ITPK1: variants seen among roughly 807,000 people sequenced by gnomAD.
ITPK1 encodes the protein inositol-tetrakisphosphate 1-kinase, also known as inositol 1,3,4-trisphosphate 5/6-kinase.
A neutral mutation model predicts 45.3 loss-of-function variants in ITPK1; 21 were observed. The observed-to-expected ratio is 0.46, with a 90% CI of 0.33 to 0.67. The LOEUF (loss-of-function observed/expected upper bound fraction) is 0.67, where lower values mean the gene tolerates loss of function less well. Among genes scored for constraint, ITPK1 ranks in the 30% least tolerant of loss-of-function variants. The pLI, the probability that ITPK1 is intolerant of heterozygous loss-of-function variation, is 0.02. For synonymous variants in ITPK1, 258 were observed against 253.6 expected, an observed-to-expected ratio of 1.02 and a Z score of -0.16; for missense variants, 474 against 573.5, an observed-to-expected ratio of 0.83 and a Z score of 1.77.
chr14:93,025,711 A>G (rs1476774507), intron 3 of ITPK1, among the ~76,000 whole-genome samples: 3 of 152,166 alleles, frequency 2.0e-5, no homozygotes, highest in Non-Finnish European at 2.9e-5. Flanking sequence ...TTTTTCCCAC[A>G]TTGTTTTAAT....
chr14:92,937,263 G>C lies in ITPK1; in HGVS notation c.*4298C>G, dbSNP rs919688544. On this transcript the variant is annotated 3_prime_UTR_variant, in exon 11 of 11. Transcript: ENST00000267615. ...GCTTGGGATTCTGGTGAAGTTGCTTGTGAACAGCTTGAAGCAAACAGCATT... is the reference window on the plus strand; with the variant it reads ...GCTTGGGATTCTGGTGAAGTTGCTTCTGAACAGCTTGAAGCAAACAGCATT... The C allele has an allele frequency of 6.6e-6, 1 of 152,252 alleles. No individual in the cohort carries two copies. The highest frequency in any genetic ancestry group is 1.9e-4 in the East Asian group (1 of 5,204). The allele number at this position is 152,252 out of a possible 1,614,324, so 9.4% of individuals were successfully genotyped here. A position where few individuals can be genotyped will look rare whatever the true frequency, so the allele number is the denominator to read the frequency against.
chr14:93,046,847 G>A (rs184253410), intron 3 of ITPK1, among the ~76,000 whole-genome samples: 24 of 152,274 alleles, frequency 1.6e-4, no homozygotes, highest in East Asian at 1.2e-3. Flanking sequence ...AGCTCTGCTC[G>A]GTGGAACTCC....
intron 5 of ITPK1, among the ~76,000 whole-genome samples, chr14:92,991,396 G>A (rs970123986): frequency 2.6e-5 from 4 of 151,614 alleles, no homozygotes; most frequent in South Asian, 2.1e-4. Context: ...AAAACCCAGC[G>A]TGCAACATTT....
chr14:93,058,119 G>A (rs1890286462), intron 3 of ITPK1, among the ~76,000 whole-genome samples: 1 of 152,026 alleles, frequency 6.6e-6, no homozygotes, highest in Non-Finnish European at 1.5e-5. Context: ...CCCAGCAACA[G>A]AAGGAATGAA....
intron 4 of ITPK1, among the ~76,000 whole-genome samples, chr14:92,994,335 C>T (rs532238201): frequency 2.0e-5 from 3 of 152,298 alleles, no homozygotes; most frequent in East Asian, 1.9e-4. Context: ...CCCCATGCCC[C>T]GCACTGATAA....
intron 4 of ITPK1, among the ~76,000 whole-genome samples, chr14:93,004,710 T>C (rs1887525229): frequency 6.6e-6 from 1 of 151,496 alleles, no homozygotes; most frequent in African/African-American, 2.4e-5. Context: ...GGCTCCTAAG[T>C]GGCGGCCATG....
chr14:93,091,072 G>C (rs1464523525), intron 2 of ITPK1, among the ~76,000 whole-genome samples: 1 of 152,226 alleles, frequency 6.6e-6, no homozygotes, highest in East Asian at 1.9e-4. Context: ...GTGCTGGAAG[G>C]AAAGGCAGGA....
chr14:93,009,854 C>G (rs1716240697), intron 4 of ITPK1, among the ~76,000 whole-genome samples: 1 of 152,168 alleles, frequency 6.6e-6, no homozygotes, highest in Admixed American at 6.5e-5. Context: ...AACCCTCACA[C>G]CACCCACAGT....
rs61475032 is a variant in ITPK1 at position 92,962,544 on chromosome 14, C to A, written c.464-149G>T. 1,181 of 749,820 alleles carry A rather than the reference C, an allele frequency of 1.6e-3. 13 individuals are homozygous for A. The African/African-American group carries it at 0.018, about 12-fold the overall frequency. 46.4% of individuals were successfully genotyped at this position (749,820 alleles called of 1,614,324 possible). On this transcript the variant is annotated intron_variant, in intron 6 of 10. Coordinates refer to ENST00000267615, the MANE Select transcript of ITPK1 (RefSeq NM_014216.6). ...ACTGAGGGTGACGTGTGGGTAGACA[C>A]CCCCAGGCCAGGCAGGAGAGCACGT... is the stretch of plus-strand genomic sequence containing the variant.
rs908127449 is a variant in ITPK1, at chr14:92,940,923, T to C, written c.*638A>G. 2.3e-6 allele frequency: 3 copies of C among 1,287,566 alleles called. No individual in the cohort carries two copies. The highest frequency in any genetic ancestry group is 3.0e-5 in the African/African-American group (2 of 65,792). The allele number at this position is 1,287,566 out of a possible 1,614,324, so 79.8% of individuals were successfully genotyped here. A position where few individuals can be genotyped will look rare whatever the true frequency, so the allele number is the denominator to read the frequency against. On this transcript the variant is annotated 3_prime_UTR_variant, in exon 11 of 11. Transcript: ENST00000267615. The stretch of plus-strand genomic sequence containing the variant: ...GGCCCAGAGGACGCCCAGCTTCCTT[T>C]CCTTCCCTTTAGTGAGGGAGCACAG...
chr14:92,977,513 C>G (rs760381751), intron 5 of ITPK1, among the ~76,000 whole-genome samples: 1 of 152,220 alleles, frequency 6.6e-6, no homozygotes, highest in African/African-American at 2.4e-5. Context: ...TCTGTCTGCA[C>G]CCAAATCTCA....
intron 8 of ITPK1, among the ~76,000 whole-genome samples, chr14:92,954,234 C>A (rs1023179020): frequency 6.6e-6 from 1 of 152,270 alleles, no homozygotes; most frequent in Non-Finnish European, 1.5e-5. Context: ...GGCCAGAAGA[C>A]CCTTTTGGCA....
chr14:92,955,098 C>T (rs1195442109), intron 8 of ITPK1, among the ~76,000 whole-genome samples: 23 of 152,216 alleles, frequency 1.5e-4, no homozygotes, highest in Non-Finnish European at 2.9e-5. Flanking sequence ...AATGCTGTAT[C>T]ACTGACTATT....
intron 3 of ITPK1, among the ~76,000 whole-genome samples, chr14:93,059,149 T>A (rs1180180471): frequency 2.6e-4 from 1 of 3,808 alleles, no homozygotes; most frequent in African/African-American, 1.5e-3. Flanking sequence ...GGAGGGGGTG[T>A]GGGTCACGAG....
intron 2 of ITPK1, among the ~76,000 whole-genome samples, chr14:93,112,214 T>G (rs1892782017): frequency 6.6e-6 from 1 of 152,154 alleles, no homozygotes; most frequent in Non-Finnish European, 1.5e-5. Flanking sequence ...GTAGCCAGGT[T>G]GGACCCATTC....
chr14:93,105,100 A>G lies in ITPK1; in HGVS notation c.95+9969T>C, dbSNP rs191693607. Among the ~76,000 whole-genome samples the G allele has an allele frequency of 6.3e-4, 96 of 152,322 alleles. 1 individual carries two copies. The highest frequency in any genetic ancestry group is 2.1e-3 in the African/African-American group (86 of 41,564). ...GGCAAAAGGTAGCAACAGCAGGTAG[A>G]ACTGGGCTGGGCTGACGACCTGGTG... On this transcript the variant is annotated intron_variant, in intron 2 of 10. Transcript: ENST00000267615.
At chr14:92,948,711 T>C (rs1887799751) in intron 9 of ITPK1, among the ~76,000 whole-genome samples, 1 of 148,916 alleles carries the variant, frequency 6.7e-6, no homozygotes, top group Non-Finnish European at 1.5e-5. Context: ...CCAAGAAAAA[T>C]GGCCCTTACC....
At chr14:93,050,035 T>C (rs1271782770) in intron 3 of ITPK1, among the ~76,000 whole-genome samples, 2 of 152,092 alleles carry the variant, frequency 1.3e-5, no homozygotes, top group Non-Finnish European at 2.9e-5. Flanking sequence ...GAAGTGCAAC[T>C]CCTGCTCAGC....
At chr14:92,947,040 G>T (rs951463524) in intron 9 of ITPK1, among the ~76,000 whole-genome samples, 4 of 152,194 alleles carry the variant, frequency 2.6e-5, no homozygotes, top group African/African-American at 9.6e-5. Flanking sequence ...CAGCAGCTGC[G>T]GGACATGGCT....
Sources: allele counts gnomAD v4.1 joint callset (sites outside exome capture counted in the v4.1 genomes callset), GRCh38; gene constraint gnomAD v4.1.1; transcripts MANE v1.5; gene names NCBI Gene and HGNC (gene_info 2026-07-23, HGNC 2026-07-21).